The following TRIM29 variants were observed in gnomAD, a reference collection of about 807,000 sequenced individuals.
TRIM29 encodes the protein tripartite motif containing 29.
TRIM29 carries 52 observed loss-of-function variants against 57.3 expected under a neutral mutation model. The observed-to-expected ratio is 0.91, with a 90% CI of 0.73 to 1.14. The LOEUF is 1.14. TRIM29 is among the 50% of genes most tolerant of loss of function. The probability of loss-of-function intolerance (pLI) is 0.00; values close to 1 mark genes in which losing one functional copy is unlikely to be tolerated. For missense variants in TRIM29, 753 were observed against 774.6 expected, an observed-to-expected ratio of 0.97 and a Z score of 0.33; for synonymous variants, 319 against 316.9, an observed-to-expected ratio of 1.01 and a Z score of -0.07.
intron 3 of TRIM29, 89 bp downstream of exon 3, chr11:120,127,247 G>C (rs1394961016): frequency 9.0e-7 from 1 of 1,112,808 alleles, no homozygotes; most frequent in Admixed American, 1.9e-5. Flanking sequence ...GTGGATAAGT[G>C]GATAGGTGGA....
At chr11:120,112,540 C>T in intron 8 of TRIM29, 64 bp from the exon 9 acceptor site, 1 of 1,577,246 alleles carries the variant, frequency 6.3e-7, no homozygotes, top group Non-Finnish European at 8.7e-7. Flanking sequence ...GCTAGACCCA[C>T]CCTACCCTAA....
chr11:120,112,421 G>C lies in TRIM29; in HGVS notation c.1760C>G (p.Ala587Gly). ...NKGNGIGSNE[A>G]P is the part of the protein sequence containing the mutation. ...GTTCCTTCCGCCAGGAGCTCATGGG[G>C]CTTCGTTGGACCCAATCCCGTTGCC... is the stretch of plus-strand genomic sequence containing the variant. Residue 587 changes from alanine (A) to glycine (G), a missense_variant, in exon 9 of 9, where the codon GCC (alanine) becomes GGC (glycine). Ala to Gly is a moderately conservative substitution (Grantham distance 60). Coordinates refer to ENST00000341846, the MANE Select transcript of TRIM29 (RefSeq NM_012101.4). The C allele has an allele frequency of 6.2e-7, 1 of 1,613,546 alleles. No homozygotes were observed. The highest frequency in any genetic ancestry group is 1.7e-4 in the Middle Eastern group (1 of 6,058).
At chr11:120,123,849 A>G (rs1322665272) in intron 4 of TRIM29, 1 of 264,236 alleles carries the variant, frequency 3.8e-6, no homozygotes, top group Non-Finnish European at 7.4e-6. Flanking sequence ...AGAATAAACA[A>G]ATGCCCTCCT....
chr11:120,123,732 C>T, intron 4 of TRIM29: 1 of 339,592 alleles, frequency 2.9e-6, no homozygotes. Context: ...CTTTCCCTGT[C>T]CTTCCCTCTC....
intron 1 of TRIM29, among the ~76,000 whole-genome samples, chr11:120,132,625 C>T (rs1377611368): frequency 6.6e-6 from 1 of 152,174 alleles, no homozygotes. Flanking sequence ...AGCACCCACC[C>T]GGATAGGTGT....
intron 1 of TRIM29, among the ~76,000 whole-genome samples, chr11:120,133,911 C>T (rs1374864973): frequency 6.6e-6 from 1 of 152,178 alleles, no homozygotes; most frequent in Non-Finnish European, 1.5e-5. Flanking sequence ...CCTCGTCATG[C>T]TGCCACCCCA....
In TRIM29 at chr11:120,138,039, T is replaced by C. The variant is rs1479556620; in HGVS notation, c.-8A>G. ...GGCATCTGCAGCTTCCATCGCAGGG[T>C]GCTTGGCTGAGCTGTTTCAGGCTTG... On this transcript the variant is annotated 5_prime_UTR_variant, in exon 1 of 9. Coordinates refer to ENST00000341846, the MANE Select transcript of TRIM29 (RefSeq NM_012101.4). The C allele has an allele frequency of 6.3e-7, 1 of 1,585,954 alleles. No individual in the cohort carries two copies. The highest frequency in any genetic ancestry group is 1.7e-5 in the Admixed American group (1 of 58,456).
intron 7 of TRIM29, chr11:120,117,454 C>T (rs775711883): frequency 2.4e-4 from 37 of 155,078 alleles, no homozygotes; most frequent in Non-Finnish European, 4.7e-4. Context: ...CTCTGCCCTG[C>T]ATAGCCCCTT....
At position 120,118,233 on chromosome 11, in the gene TRIM29, G is replaced by A. The variant is rs750001339; in HGVS notation, c.1617C>T (p.Phe539=). 3.1e-6 allele frequency: 5 copies of A among 1,614,034 alleles called. No individual in the cohort carries two copies. Among genetic ancestry groups the A allele is most frequent in the Non-Finnish European group, 3.4e-6 (4 of 1,179,942 alleles). The change falls in exon 7 of 9, where the codon TTC becomes TTT. Residue 539 remains phenylalanine, a synonymous_variant. Coordinates refer to ENST00000341846, the MANE Select transcript of TRIM29 (RefSeq NM_012101.4). ...GGTGGGCAAGCTCACCTTTCAGGGAGAAGGAGGAGCTGCCTTGGACGACGG... is the reference window on the plus strand; with the variant it reads ...GGTGGGCAAGCTCACCTTTCAGGGAAAAGGAGGAGCTGCCTTGGACGACGG... ...DLPVVQGSSS[F]SLKGYPSLMR... is the part of the protein sequence containing the mutation.
At position 120,125,468 on chromosome 11, in the gene TRIM29, C is replaced by T. The variant is rs1011195195; in HGVS notation, c.1333+223G>A. ...AGCCAGTGCCCAGGATGTCCCTGCT[C>T]TGGAGGTCTCTTCCTATAGTTGCAT... On this transcript the variant is annotated intron_variant, in intron 4 of 8. Coordinates refer to ENST00000341846, the MANE Select transcript of TRIM29 (RefSeq NM_012101.4). 1.4e-4 allele frequency: 78 copies of T among 562,834 alleles called. 2 individuals are homozygous for T. Among genetic ancestry groups the T allele is most frequent in the Non-Finnish European group, 6.3e-5 (20 of 316,748 alleles). 34.9% of individuals were successfully genotyped at this position (562,834 alleles called of 1,614,324 possible).
intron 4 of TRIM29, chr11:120,123,266 C>T (rs1489797785): frequency 2.9e-6 from 2 of 690,846 alleles, no homozygotes; most frequent in African/African-American, 3.5e-5. Flanking sequence ...CTGCAAAGAG[C>T]CATCCACCCT....
chr11:120,121,544 G>A (rs111819574), intron 5 of TRIM29: 2,433 of 155,586 alleles, frequency 0.016, 69 homozygotes, highest in African/African-American at 0.055. Context: ...CAGGGATGCC[G>A]GGGGAACCTG....
chr11:120,130,514 AG>A (rs1863697094), intron 1 of TRIM29, among the ~76,000 whole-genome samples: 1 of 152,202 alleles, frequency 6.6e-6, no homozygotes, highest in African/African-American at 2.4e-5. Flanking sequence ...GTGGGCTCAG[AG>A]GGGGCTCCCC....
intron 3 of TRIM29, 106 bp downstream of exon 3, chr11:120,127,230 C>A: frequency 1.1e-6 from 1 of 935,930 alleles, no homozygotes; most frequent in East Asian, 2.5e-5. Flanking sequence ...AACAGATAGA[C>A]GAATAGGTGG....
chr11:120,131,020 A>G (rs1284267513), intron 1 of TRIM29, among the ~76,000 whole-genome samples: 1 of 152,170 alleles, frequency 6.6e-6, no homozygotes, highest in Non-Finnish European at 1.5e-5. Flanking sequence ...AGCGTAGCTC[A>G]TGGATAATTG....
chr11:120,137,117 G>T lies in TRIM29; in HGVS notation c.804+111C>A. The T allele has an allele frequency of 1.7e-6, 2 of 1,188,664 alleles. No individual in the cohort carries two copies. Among genetic ancestry groups the T allele is most frequent in the Non-Finnish European group, 2.4e-6 (2 of 844,110 alleles). 73.6% of individuals were successfully genotyped at this position (1,188,664 alleles called of 1,614,324 possible). A position where few individuals can be genotyped will look rare whatever the true frequency, so the allele number is the denominator to read the frequency against. ...ATGTTTTCTAAAAGAGCCAAGGACA[G>T]TAGAAACTTAAGCCCCAAACCCGAG... is the stretch of plus-strand genomic sequence containing the variant. On this transcript the variant is annotated intron_variant, in intron 1 of 8. Coordinates refer to ENST00000341846, the MANE Select transcript of TRIM29 (RefSeq NM_012101.4). The surrounding 1 kb of genome is among the most constrained non-coding windows in gnomAD (Gnocchi z 6.2).
At chr11:120,118,652 T>C in intron 6 of TRIM29, among the ~76,000 whole-genome samples, 1 of 113,564 alleles carries the variant, frequency 8.8e-6, no homozygotes. Context: ...TGACTTCACC[T>C]CTGCCCTCCC....
Position 120,127,431 on chromosome 11 carries a change from T to G in TRIM29, c.1039A>C (p.Met347Leu), listed in dbSNP as rs758902702. ...QDAVDQVKVI[M>L]DALDERAKVL... ...TTGGCTCTCTCATCCAGAGCATCCA[T>G]GATCACCTTCACTTGGTCCACAGCA... is the stretch of plus-strand genomic sequence containing the variant. The change falls in exon 3 of 9, where the codon ATG (methionine) becomes CTG (leucine). Residue 347 changes from methionine (M) to leucine (L), a missense_variant. Transcript: ENST00000341846. 22 of 1,613,556 alleles carry G rather than the reference T, an allele frequency of 1.4e-5. No homozygotes were observed. The Admixed American group carries it at 3.7e-4, about 27-fold the overall frequency.
chr11:120,129,707 G>A (rs1330013233), intron 1 of TRIM29, among the ~76,000 whole-genome samples: 5 of 151,726 alleles, frequency 3.3e-5, no homozygotes, highest in Non-Finnish European at 5.9e-5. Flanking sequence ...AAGTGGATCC[G>A]ATGGCAGATA....
Sources: gnomAD v4.1 joint callset for allele counts (sites outside exome capture counted in the v4.1 genomes callset) on GRCh38, gnomAD v4.1.1 for gene constraint, Gnocchi (gnomAD v3.1) non-coding constraint, MANE v1.5 for transcripts, NCBI Gene and HGNC (gene_info 2026-07-23, HGNC 2026-07-21) for gene names.